Variants in CTNNA3 observed in about 807,000 individuals in gnomAD.
CTNNA3 encodes catenin alpha 3.
In CTNNA3, 76 loss-of-function variants were observed where a neutral mutation model predicts 95.7. That is an observed-to-expected ratio of 0.79 (90% confidence interval 0.66 to 0.96). The LOEUF (loss-of-function observed/expected upper bound fraction) is 0.96, where lower values mean the gene tolerates loss of function less well. Ranked by LOEUF, CTNNA3 falls within the 40% of genes least tolerant of loss-of-function variation. The pLI, the probability that CTNNA3 is intolerant of heterozygous loss-of-function variation, is 0.00. For missense variants in CTNNA3, 1,191 were observed against 1,089.8 expected (o/e 1.09, Z -1.31); for synonymous variants, 431 against 374.4 (o/e 1.15, Z -1.74).
chr10:66,892,321 A>G (rs1845301002), intron 7 of CTNNA3, among the ~76,000 whole-genome samples: 1 of 152,126 alleles, frequency 6.6e-6, no homozygotes, highest in Non-Finnish European at 1.5e-5. Context: ...CTTGTTTCCC[A>G]ATAAACTGAA....
chr10:67,693,086 T>C (rs957572695), intron 1 of CTNNA3, among the ~76,000 whole-genome samples: 3 of 152,180 alleles, frequency 2.0e-5, no homozygotes, highest in Non-Finnish European at 4.4e-5. Context: ...ACACAGGAAC[T>C]CAAAGTCACC....
intron 4 of CTNNA3, among the ~76,000 whole-genome samples, chr10:67,528,865 T>C (rs1183092562): frequency 1.3e-5 from 2 of 152,110 alleles, no homozygotes; most frequent in African/African-American, 2.4e-5. Flanking sequence ...TCTTAAAAAA[T>C]GAAAATTTTA....
At chr10:66,743,645 G>T (rs1849400423) in intron 9 of CTNNA3, among the ~76,000 whole-genome samples, 1 of 152,124 alleles carries the variant, frequency 6.6e-6, no homozygotes. Flanking sequence ...TGTATAGGAA[G>T]AATGCATTCA....
At chr10:66,918,762 A>C (rs1846627297) in intron 7 of CTNNA3, among the ~76,000 whole-genome samples, 1 of 152,200 alleles carries the variant, frequency 6.6e-6, no homozygotes, top group Non-Finnish European at 1.5e-5. Context: ...CTAGATGGTT[A>C]AATTAAAAGG....
At chr10:67,318,458 T>C (rs1841161929) in intron 5 of CTNNA3, among the ~76,000 whole-genome samples, 1 of 152,068 alleles carries the variant, frequency 6.6e-6, no homozygotes, top group African/African-American at 2.4e-5. Flanking sequence ...TCAAAAGAAA[T>C]GAAAACTAAT....
At chr10:66,517,193 C>G (rs1288380959) in intron 11 of CTNNA3, among the ~76,000 whole-genome samples, 1 of 151,930 alleles carries the variant, frequency 6.6e-6, no homozygotes, top group Non-Finnish European at 1.5e-5. Flanking sequence ...TGCACTCAAG[C>G]CTGGGTGACA....
chr10:67,390,961 C>A (rs879322252), intron 5 of CTNNA3, among the ~76,000 whole-genome samples: 5 of 152,154 alleles, frequency 3.3e-5, no homozygotes, highest in Non-Finnish European at 5.9e-5. Context: ...ACTGAATGGG[C>A]AAAAACCAGA....
chr10:66,585,000 G>T (rs1462497744), intron 10 of CTNNA3, among the ~76,000 whole-genome samples: 1 of 152,038 alleles, frequency 6.6e-6, no homozygotes, highest in African/African-American at 2.4e-5. Flanking sequence ...GGAGACTAAA[G>T]ATAGGACCCC....
chr10:66,668,795 G>C (rs1846554270), intron 9 of CTNNA3, among the ~76,000 whole-genome samples: 1 of 151,960 alleles, frequency 6.6e-6, no homozygotes, highest in African/African-American at 2.4e-5. Flanking sequence ...CTGGGCGACA[G>C]AGTCAGACCC....
At chr10:67,087,384 T>C (rs528147695) in intron 7 of CTNNA3, among the ~76,000 whole-genome samples, 18 of 151,920 alleles carry the variant, frequency 1.2e-4, no homozygotes, top group Non-Finnish European at 2.6e-4. Context: ...AGTTATTAGA[T>C]GATAAAGTGT....
chr10:66,153,775 G>T (rs963450862), intron 13 of CTNNA3, among the ~76,000 whole-genome samples: 1 of 151,328 alleles, frequency 6.6e-6, no homozygotes, highest in Non-Finnish European at 1.5e-5. Flanking sequence ...AAATGAAAAC[G>T]TATCCTATGC....
chr10:67,372,224 G>A (rs1005183253), intron 5 of CTNNA3, among the ~76,000 whole-genome samples: 1 of 151,982 alleles, frequency 6.6e-6, no homozygotes, highest in Non-Finnish European at 1.5e-5. Flanking sequence ...AGAAGCTCTT[G>A]AGTTTAATTA....
At chr10:66,937,130 C>G (rs1847752493) in intron 7 of CTNNA3, among the ~76,000 whole-genome samples, 1 of 151,936 alleles carries the variant, frequency 6.6e-6, no homozygotes, top group South Asian at 2.1e-4. Flanking sequence ...AGTCTTTCTC[C>G]TTAAATTTTT....
chr10:66,699,890 C>T (rs1847887589), intron 9 of CTNNA3, among the ~76,000 whole-genome samples: 1 of 152,078 alleles, frequency 6.6e-6, no homozygotes, highest in African/African-American at 2.4e-5. Context: ...CTCCCGACCT[C>T]AGGTGATCTG....
intron 12 of CTNNA3, among the ~76,000 whole-genome samples, chr10:66,351,435 T>C (rs1007455984): frequency 1.2e-4 from 19 of 152,012 alleles, no homozygotes; most frequent in South Asian, 4.1e-4. Flanking sequence ...CTGAGTACCA[T>C]TGTTAAATAG....
At chr10:67,154,061 T>G (rs1190740832) in intron 7 of CTNNA3, among the ~76,000 whole-genome samples, 1 of 152,108 alleles carries the variant, frequency 6.6e-6, no homozygotes, top group Non-Finnish European at 1.5e-5. Flanking sequence ...AAAAAAACTT[T>G]GTTTTACAAA....
At chr10:67,065,135 G>A (rs1010234604) in intron 7 of CTNNA3, among the ~76,000 whole-genome samples, 1 of 152,054 alleles carries the variant, frequency 6.6e-6, no homozygotes, top group Admixed American at 6.6e-5. Context: ...AGGCACCATG[G>A]TTCCCTCTGA....
chr10:66,001,118 A>G (rs984717624), intron 15 of CTNNA3, among the ~76,000 whole-genome samples: 2 of 152,114 alleles, frequency 1.3e-5, no homozygotes, highest in African/African-American at 4.8e-5. Context: ...TCTCTGTCCC[A>G]GTAAAATAAA....
chr10:66,009,457 G>A (rs12570476), intron 15 of CTNNA3, among the ~76,000 whole-genome samples: 1 of 152,076 alleles, frequency 6.6e-6, no homozygotes, highest in Non-Finnish European at 1.5e-5. Context: ...TACACTAAAG[G>A]AGAGTGTCAA....
Sources: allele counts gnomAD v4.1 joint callset (sites outside exome capture counted in the v4.1 genomes callset), GRCh38; gene constraint gnomAD v4.1.1; transcripts MANE v1.5; gene names NCBI Gene and HGNC (gene_info 2026-07-23, HGNC 2026-07-21).